RAPGEF5: variants seen among roughly 807,000 people sequenced by gnomAD.
RAPGEF5 encodes Rap guanine nucleotide exchange factor 5, also known as M-Ras-regulated GEF.
RAPGEF5 carries 65 observed loss-of-function variants against 125.2 expected under a neutral mutation model. The ratio of observed to expected loss-of-function variants is 0.52; its 90% CI spans 0.43 to 0.64. The LOEUF (loss-of-function observed/expected upper bound fraction) is 0.64. Among genes scored for constraint, RAPGEF5 ranks in the 30% least tolerant of loss-of-function variants. RAPGEF5 has a pLI of 0.00. For missense variants in RAPGEF5, 958 were observed against 1,048.1 expected (o/e 0.91, Z 1.19); for synonymous variants, 391 against 385.9 (o/e 1.01, Z -0.16).
intron 3 of RAPGEF5, among the ~76,000 whole-genome samples, chr7:22,314,255 G>C (rs1374585635): frequency 6.6e-6 from 1 of 152,152 alleles, no homozygotes; most frequent in Non-Finnish European, 1.5e-5. Context: ...AAGCAGGAAG[G>C]AACCTTCTGA....
At position 22,356,798 on chromosome 7, in the gene RAPGEF5, C is replaced by G. The variant is rs562566086; in HGVS notation, c.231+32G>C. The stretch of plus-strand genomic sequence containing the variant: ...GCGCGGGCTCCACGTGCGCGCCGCC[C>G]GTGCCCACTCGGACAGGGCCGGGCC... On this transcript the variant is annotated intron_variant, in intron 1 of 25. Transcript: ENST00000665637. 2.7e-4 allele frequency: 304 copies of G among 1,125,154 alleles called. No individual in the cohort carries two copies. In the East Asian group the frequency reaches 3.7e-3, roughly 14 times the overall value. The allele number at this position is 1,125,154 out of a possible 1,614,324, so 69.7% of individuals were successfully genotyped here. A position where few individuals can be genotyped will look rare whatever the true frequency, so the allele number is the denominator to read the frequency against.
At position 22,315,351 on chromosome 7, in the gene RAPGEF5, T is replaced by C. The variant is rs1783565882; in HGVS notation, c.389+19A>G. The C allele has an allele frequency of 1.3e-6, 2 of 1,534,342 alleles. No homozygotes were observed. Among genetic ancestry groups the C allele is most frequent in the Non-Finnish European group, 8.8e-7 (1 of 1,138,832 alleles). ...TCCTCAAAGAGAATTTCTGACAAGG[T>C]GTTAGAAAACTGTGTTACCTGTAAA... On this transcript the variant is annotated intron_variant, in intron 3 of 25. Coordinates refer to ENST00000665637, the MANE Select transcript of RAPGEF5 (RefSeq NM_012294.5).
intron 9 of RAPGEF5, among the ~76,000 whole-genome samples, chr7:22,219,358 T>A (rs147248713): frequency 7.4e-4 from 113 of 151,828 alleles, no homozygotes; most frequent in African/African-American, 2.5e-3. Context: ...CAAGCCTTCA[T>A]AAGATACTGG....
intron 4 of RAPGEF5, among the ~76,000 whole-genome samples, chr7:22,309,271 C>G (rs1429570108): frequency 1.3e-5 from 2 of 152,180 alleles, no homozygotes; most frequent in East Asian, 1.9e-4. Context: ...TATTGACTAT[C>G]TAAGAAGATT....
chr7:22,214,174 C>T (rs550611985), intron 9 of RAPGEF5, among the ~76,000 whole-genome samples: 2 of 152,126 alleles, frequency 1.3e-5, no homozygotes, highest in Non-Finnish European at 2.9e-5. Context: ...GTGATAGAGA[C>T]CCTACCCTGG....
Position 22,123,298 on chromosome 7 carries a change from C to T in RAPGEF5, c.2537-777G>A, listed in dbSNP as rs1782639004. 2.0e-5 allele frequency among the ~76,000 whole-genome samples: 3 copies of T among 152,136 alleles called. No homozygotes were observed. In the South Asian group the frequency reaches 6.2e-4, roughly 32 times the overall value. On this transcript the variant is annotated intron_variant, in intron 25 of 25. Coordinates refer to ENST00000665637, the MANE Select transcript of RAPGEF5 (RefSeq NM_012294.5). ...GTGCTGATAAGGAACCAGGATGAAG[C>T]AGCATGAACCACGAGGCAAGCCCGT...
chr7:22,176,537 A>T (rs147304321), intron 11 of RAPGEF5, among the ~76,000 whole-genome samples: 2 of 152,078 alleles, frequency 1.3e-5, no homozygotes, highest in African/African-American at 4.8e-5. Context: ...TTGTTTGTTT[A>T]TTTTTGAGAT....
intron 3 of RAPGEF5, among the ~76,000 whole-genome samples, chr7:22,312,409 A>C (rs922844128): frequency 6.6e-6 from 1 of 151,842 alleles, no homozygotes; most frequent in Non-Finnish European, 1.5e-5. Context: ...GGGTTTCATC[A>C]TGTTGGCCAG....
At chr7:22,302,694 A>C (rs1000315900) in intron 5 of RAPGEF5, among the ~76,000 whole-genome samples, 1 of 152,092 alleles carries the variant, frequency 6.6e-6, no homozygotes, top group African/African-American at 2.4e-5. Flanking sequence ...ACTAAAAGAC[A>C]CTAAAAAGTT....
intron 7 of RAPGEF5, among the ~76,000 whole-genome samples, chr7:22,263,744 CA>C (rs200233032): frequency 5.2e-5 from 7 of 133,482 alleles, no homozygotes; most frequent in Non-Finnish European, 8.2e-5. Context: ...AAACAAAAAA[CA>C]AAAAAAAAGA....
At chr7:22,133,778 T>TA (rs1328286514) in intron 23 of RAPGEF5, among the ~76,000 whole-genome samples, 1 of 152,186 alleles carries the variant, frequency 6.6e-6, no homozygotes, top group Non-Finnish European at 1.5e-5. Context: ...CCCCAGCACT[T>TA]AGTGTTTCCC....
chr7:22,128,846 C>G (rs1047136484), intron 24 of RAPGEF5, among the ~76,000 whole-genome samples: 3 of 152,176 alleles, frequency 2.0e-5, no homozygotes, highest in Non-Finnish European at 2.9e-5. Context: ...GCACCCATTT[C>G]TTCATTCTTT....
intron 2 of RAPGEF5, among the ~76,000 whole-genome samples, chr7:22,316,377 AGATAGATT>A (rs201006893): frequency 7.0e-6 from 1 of 142,576 alleles, no homozygotes; most frequent in Non-Finnish European, 1.5e-5. Flanking sequence ...ATAGATAGAT[AGATAGATT>A]AAATGTGTAT....
At chr7:22,348,297 C>T (rs1445034236) in intron 1 of RAPGEF5, among the ~76,000 whole-genome samples, 1 of 152,056 alleles carries the variant, frequency 6.6e-6, no homozygotes. Flanking sequence ...GTAAACATAC[C>T]AAAATTTAAT....
intron 1 of RAPGEF5, among the ~76,000 whole-genome samples, chr7:22,346,799 T>C (rs192611331): frequency 5.7e-4 from 87 of 152,316 alleles, no homozygotes; most frequent in Non-Finnish European, 1.0e-3. Flanking sequence ...TTGGTAGAAG[T>C]CCTGAATGAT....
At chr7:22,234,518 T>C (rs749120017) in intron 7 of RAPGEF5, among the ~76,000 whole-genome samples, 1 of 152,194 alleles carries the variant, frequency 6.6e-6, no homozygotes, top group African/African-American at 2.4e-5. Context: ...AAGCAAGTAA[T>C]GGCCTTTGAA....
At chr7:22,329,051 G>C (rs557456921) in intron 1 of RAPGEF5, among the ~76,000 whole-genome samples, 1 of 152,254 alleles carries the variant, frequency 6.6e-6, no homozygotes, top group African/African-American at 2.4e-5. Context: ...AGTTATTTGT[G>C]TTTACTTTTC....
intron 6 of RAPGEF5, among the ~76,000 whole-genome samples, chr7:22,275,704 C>G (rs1782539503): frequency 7.0e-6 from 1 of 141,912 alleles, no homozygotes; most frequent in South Asian, 2.2e-4. Context: ...AGCATGTTCT[C>G]TTTGGAGACC....
At chr7:22,265,163 AATT>A (rs1562496873) in intron 7 of RAPGEF5, among the ~76,000 whole-genome samples, 1 of 152,150 alleles carries the variant, frequency 6.6e-6, no homozygotes, top group African/African-American at 2.4e-5. Flanking sequence ...ATATACAATA[AATT>A]ATTGATAACT....
Sources: allele counts gnomAD v4.1 joint callset (sites outside exome capture counted in the v4.1 genomes callset), GRCh38; gene constraint gnomAD v4.1.1; transcripts MANE v1.5; gene names NCBI Gene and HGNC (gene_info 2026-07-23, HGNC 2026-07-21).